The following UROS variants were observed in gnomAD, a reference collection of about 807,000 sequenced individuals.
UROS encodes uroporphyrinogen-III synthase.
A neutral mutation model predicts 33.0 loss-of-function variants in UROS; 18 were observed. The observed-to-expected ratio is 0.55, with a 90% CI of 0.38 to 0.81. UROS has a LOEUF of 0.81. Ranked by LOEUF, UROS falls within the 30% of genes least tolerant of loss-of-function variation. The pLI, the probability that UROS is intolerant of heterozygous loss-of-function variation, is 0.00. For synonymous variants in UROS, 114 were observed against 121.1 expected, an observed-to-expected ratio of 0.94 and a Z score of 0.38; for missense variants, 293 against 314.9, an observed-to-expected ratio of 0.93 and a Z score of 0.53.
rs1330668876 is a variant in UROS at position 125,816,740 on chromosome 10, T to G, written c.-26-215A>C. The G allele has an allele frequency of 5.1e-6, 3 of 590,330 alleles. No homozygotes were observed. The African/African-American group carries it at 5.6e-5, about 11-fold the overall frequency. 36.6% of individuals were successfully genotyped at this position (590,330 alleles called of 1,614,324 possible). ...AGAGCATGTTAGCAGTTGATATCAC[T>G]TGGAAAGACAGATGAAACCATTAGT... is the stretch of plus-strand genomic sequence containing the variant. On this transcript the variant is annotated intron_variant, in intron 1 of 9. Transcript: ENST00000368797.
chr10:125,788,714 T>C lies in UROS; in HGVS notation c.*154A>G. 7.0e-7 allele frequency: 1 copy of C among 1,438,076 alleles called. No individual in the cohort carries two copies. Among genetic ancestry groups the C allele is most frequent in the Non-Finnish European group, 9.1e-7 (1 of 1,100,234 alleles). The allele number at this position is 1,438,076 out of a possible 1,614,324, so 89.1% of individuals were successfully genotyped here. On this transcript the variant is annotated 3_prime_UTR_variant, in exon 10 of 10. Transcript: ENST00000368797. ...ACGTGGGCCTGAGGCCAGCCCCAGG[T>C]CAGGTCCCGATCCCCGGTCCTCAGG... is the stretch of plus-strand genomic sequence containing the variant.
intron 7 of UROS, 75 bp downstream of exon 7, chr10:125,797,990 A>T: frequency 6.4e-7 from 1 of 1,557,858 alleles, no homozygotes; most frequent in Non-Finnish European, 8.8e-7. Context: ...CTGCAGGGCC[A>T]CCCACTTCTA....
At chr10:125,794,444 TAGTA>T (rs1357763601) in intron 9 of UROS, 9 of 816,984 alleles carry the variant, frequency 1.1e-5, no homozygotes, top group East Asian at 1.9e-4. Flanking sequence ...ATACAGTCCC[TAGTA>T]AGTGAGAATG....
chr10:125,786,340 C>T (rs1850633719), downstream of UROS, among the ~76,000 whole-genome samples: 2 of 150,804 alleles, frequency 1.3e-5, no homozygotes, highest in Admixed American at 6.6e-5. Context: ...TGCAGTGGCA[C>T]GATCTCAGCT....
At chr10:125,813,634 C>T (rs1326309651) in intron 4 of UROS, among the ~76,000 whole-genome samples, 5 of 152,160 alleles carry the variant, frequency 3.3e-5, no homozygotes, top group Non-Finnish European at 7.4e-5. Flanking sequence ...TGTGCCACCA[C>T]GCCCAGCTAA....
Position 125,798,087 on chromosome 10 carries a change from C to G in UROS, c.453G>C (p.Leu151=). 6.2e-7 allele frequency: 1 copy of G among 1,614,022 alleles called. No individual in the cohort carries two copies. Among genetic ancestry groups the G allele is most frequent in the Non-Finnish European group, 8.5e-7 (1 of 1,179,896 alleles). ...FPCGNLKREI[L]PKALKDKGIA... ...CGCCTTTGTCCTTGAGCGCTTTTGG[C>G]AGGATTTCTCTTTTGAGGTTTCCAC... The change falls in exon 7 of 10, where the codon CTG becomes CTC. Residue 151 remains leucine (L), a synonymous_variant. Coordinates refer to ENST00000368797, the MANE Select transcript of UROS (RefSeq NM_000375.3).
chr10:125,798,356 T>C (rs1272290955), intron 6 of UROS, among the ~76,000 whole-genome samples: 1 of 152,172 alleles, frequency 6.6e-6, no homozygotes, highest in African/African-American at 2.4e-5. Context: ...TAAGAGGTAA[T>C]GTGTGTGGAG....
At chr10:125,803,125 T>C (rs751019136) in intron 6 of UROS, 5 of 1,543,284 alleles carry the variant, frequency 3.2e-6, no homozygotes, top group Non-Finnish European at 4.4e-6. Flanking sequence ...CAGCCAGTCC[T>C]AGGCTTGAGC....
At chr10:125,822,740 G>A (rs1220992750) in intron 1 of UROS, among the ~76,000 whole-genome samples, 1 of 152,190 alleles carries the variant, frequency 6.6e-6, no homozygotes, top group Non-Finnish European at 1.5e-5. Context: ...TTACAGGCGC[G>A]AGACACCGGG....
chr10:125,807,070 A>G (rs1471834137), intron 6 of UROS: 8 of 313,958 alleles, frequency 2.5e-5, no homozygotes, highest in Non-Finnish European at 3.7e-5. Context: ...GGGAAAGGAC[A>G]GTCCTCAGTA....
intron 1 of UROS, among the ~76,000 whole-genome samples, chr10:125,822,160 C>T (rs546659633): frequency 2.0e-5 from 3 of 152,232 alleles, no homozygotes; most frequent in African/African-American, 7.2e-5. Flanking sequence ...AGCTGATGAA[C>T]CCTGTTTCTC....
At chr10:125,819,382 A>G (rs955838501) in intron 1 of UROS, among the ~76,000 whole-genome samples, 1 of 152,068 alleles carries the variant, frequency 6.6e-6, no homozygotes, top group Non-Finnish European at 1.5e-5. Flanking sequence ...AGGAGACAAG[A>G]TTGAGGTTGC....
At chr10:125,793,777 A>C (rs1040599931) in intron 9 of UROS, 3 of 151,970 alleles carry the variant, frequency 2.0e-5, no homozygotes, top group Non-Finnish European at 1.5e-5. Flanking sequence ...GGAACACCTG[A>C]CCTCAGGTGA....
intron 9 of UROS, 129 bp from the exon 10 acceptor site, chr10:125,789,134 T>C (rs1850744681): frequency 1.4e-6 from 2 of 1,451,234 alleles, no homozygotes; most frequent in South Asian, 1.2e-5. Context: ...GACGTGTTTA[T>C]AAAAATGACA....
At chr10:125,805,410 A>G (rs371856937) in intron 6 of UROS, among the ~76,000 whole-genome samples, 6 of 152,218 alleles carry the variant, frequency 3.9e-5, no homozygotes, top group Admixed American at 2.0e-4. Flanking sequence ...TGGGATGAGC[A>G]GTGGCCTTGC....
intron 8 of UROS, chr10:125,795,213 C>G: frequency 1.8e-6 from 1 of 562,982 alleles, no homozygotes; most frequent in Admixed American, 2.8e-5. Flanking sequence ...AGGTCTGTGT[C>G]TGCCTGGCCA....
chr10:125,788,760 G>C lies in UROS; in HGVS notation c.*108C>G. ...TCAGGTGCTTCCACTCAGGCTTGAG[G>C]CAGGAGTCTGACGGCAGCAGCTCCC... On this transcript the variant is annotated 3_prime_UTR_variant, in exon 10 of 10. Transcript: ENST00000368797. The C allele has an allele frequency of 6.8e-7, 1 of 1,472,624 alleles. No homozygotes were observed. Among genetic ancestry groups the C allele is most frequent in the Non-Finnish European group, 9.0e-7 (1 of 1,112,566 alleles). The allele number at this position is 1,472,624 out of a possible 1,614,324, so 91.2% of individuals were successfully genotyped here. A position where few individuals can be genotyped will look rare whatever the true frequency, so the allele number is the denominator to read the frequency against.
At chr10:125,803,509 T>C (rs1207871996) in intron 6 of UROS, among the ~76,000 whole-genome samples, 1 of 152,112 alleles carries the variant, frequency 6.6e-6, no homozygotes, top group Non-Finnish European at 1.5e-5. Flanking sequence ...TCTTTTTACT[T>C]AAGGGATAAA....
intron 6 of UROS, chr10:125,802,228 ATGTG>A (rs1359321382): frequency 1.0e-6 from 1 of 985,390 alleles, no homozygotes; most frequent in African/African-American, 1.7e-5. Context: ...CTCCACACTG[ATGTG>A]TGGCTCCATG....
Sources: gnomAD v4.1 joint callset for allele counts (sites outside exome capture counted in the v4.1 genomes callset) on GRCh38, gnomAD v4.1.1 for gene constraint, MANE v1.5 for transcripts, NCBI Gene and HGNC (gene_info 2026-07-23, HGNC 2026-07-21) for gene names.